CLPTM1: variants seen among roughly 807,000 people sequenced by gnomAD.
The protein encoded by CLPTM1 is CLPTM1 regulator of GABA type A receptor forward trafficking, also known as putative lipid scramblase CLPTM1.
CLPTM1 carries 21 observed loss-of-function variants against 77.3 expected under a neutral mutation model. The observed-to-expected ratio is 0.27, with a 90% CI of 0.19 to 0.39. The LOEUF (loss-of-function observed/expected upper bound fraction) is 0.39. Ranked by LOEUF, CLPTM1 falls within the 10% of genes least tolerant of loss-of-function variation. The probability of loss-of-function intolerance (pLI) is 1.00; values close to 1 mark genes in which losing one functional copy is unlikely to be tolerated. For synonymous variants in CLPTM1, 373 were observed against 381.0 expected (o/e 0.98, Z 0.24); for missense variants, 642 against 921.2 (o/e 0.70, Z 3.92).
intron 8 of CLPTM1, 105 bp downstream of exon 8, chr19:44,987,528 C>T (rs990612086): frequency 6.9e-6 from 10 of 1,453,814 alleles, no homozygotes; most frequent in Non-Finnish European, 9.3e-6. Flanking sequence ...GCCTGGTGCT[C>T]CTCTGCCCAC....
At chr19:44,971,507 C>G (rs1162407758) in intron 2 of CLPTM1, among the ~76,000 whole-genome samples, 2 of 152,134 alleles carry the variant, frequency 1.3e-5, no homozygotes. Flanking sequence ...GTTGCTCTTT[C>G]TAAGCTTCTG....
At chr19:44,970,923 T>A (rs913803915) in intron 2 of CLPTM1, among the ~76,000 whole-genome samples, 1 of 145,602 alleles carries the variant, frequency 6.9e-6, no homozygotes, top group Non-Finnish European at 1.5e-5. Flanking sequence ...CTCCTTCTCC[T>A]GGGTTCAAGC....
chr19:44,960,755 C>G (rs1388622322), intron 1 of CLPTM1, among the ~76,000 whole-genome samples: 1 of 152,130 alleles, frequency 6.6e-6, no homozygotes, highest in African/African-American at 2.4e-5. Context: ...GTTTGGGTGA[C>G]CTGAGCGTCC....
Position 44,986,518 on chromosome 19 carries a change from A to G in CLPTM1, c.736A>G (p.Ile246Val). The change falls in exon 7 of 14, where the codon ATC (isoleucine) becomes GTC (valine). Residue 246 changes from isoleucine (I) to valine (V), a missense_variant. This residue lies in a region of CLPTM1 where 521 missense variants were observed against 800.4 expected (regional missense o/e 0.65). Transcript: ENST00000337392. ...TTGGCACCCCAACATCACCATCAAC[A>G]TCGTGGACGACCACACGCCGTGGGT... is the stretch of plus-strand genomic sequence containing the variant. Reference protein sequence around the residue: ...SHWHPNITINIVDDHTPWVKG... With the variant: ...SHWHPNITINVVDDHTPWVKG... 1.2e-6 allele frequency: 2 copies of G among 1,614,052 alleles called. No homozygotes were observed. The highest frequency in any genetic ancestry group is 1.7e-6 in the Non-Finnish European group (2 of 1,179,988).
chr19:44,964,398 C>T (rs1030251989), intron 2 of CLPTM1, among the ~76,000 whole-genome samples: 1 of 143,282 alleles, frequency 7.0e-6, no homozygotes, highest in African/African-American at 2.6e-5. Flanking sequence ...GCAGTCTCTG[C>T]CTCCTGGGTT....
chr19:44,963,999 C>T (rs1351011514), intron 2 of CLPTM1, among the ~76,000 whole-genome samples: 2 of 151,740 alleles, frequency 1.3e-5, no homozygotes, highest in Non-Finnish European at 1.5e-5. Flanking sequence ...AACTCCTGAC[C>T]TCATGATCCA....
intron 5 of CLPTM1, among the ~76,000 whole-genome samples, 172 bp downstream of exon 5, chr19:44,977,632 C>T (rs751142067): frequency 7.9e-5 from 12 of 152,218 alleles, no homozygotes; most frequent in Non-Finnish European, 4.4e-5. Context: ...CTGAAAGAGC[C>T]CTGTGGACAC....
intron 2 of CLPTM1, among the ~76,000 whole-genome samples, chr19:44,963,228 A>T (rs1460766158): frequency 2.1e-5 from 3 of 143,978 alleles, no homozygotes; most frequent in South Asian, 4.5e-4. Flanking sequence ...AAAAAAAAAA[A>T]GCCAGGTATG....
intron 1 of CLPTM1, among the ~76,000 whole-genome samples, chr19:44,961,452 T>G (rs1253019119): frequency 2.0e-5 from 3 of 152,214 alleles, no homozygotes; most frequent in African/African-American, 7.2e-5. Flanking sequence ...CCTTGCATCC[T>G]GGCTCCAGCC....
intron 2 of CLPTM1, among the ~76,000 whole-genome samples, chr19:44,970,599 G>A (rs2122268963): frequency 6.9e-6 from 1 of 145,846 alleles, no homozygotes; most frequent in East Asian, 2.0e-4. Context: ...GAAACTGTGT[G>A]TTGCCCAGGC....
intron 1 of CLPTM1, among the ~76,000 whole-genome samples, chr19:44,956,004 C>G (rs933952264): frequency 2.0e-5 from 3 of 152,166 alleles, no homozygotes; most frequent in Non-Finnish European, 4.4e-5. Flanking sequence ...GTAGAAGTTA[C>G]AAGACACTGC....
intron 5 of CLPTM1, among the ~76,000 whole-genome samples, chr19:44,978,928 C>T (rs951003892): frequency 6.6e-6 from 1 of 151,630 alleles, no homozygotes; most frequent in Non-Finnish European, 1.5e-5. Context: ...CATTGTCCGT[C>T]CTCTTGTTTT....
At chr19:44,978,381 G>GT (rs1404140783) in intron 5 of CLPTM1, among the ~76,000 whole-genome samples, 2 of 150,716 alleles carry the variant, frequency 1.3e-5, no homozygotes, top group Non-Finnish European at 3.0e-5. Context: ...CTCCAGCCTG[G>GT]TGACACAGCA....
rs761843641 is a variant in CLPTM1, at chr19:44,975,726, C to CTAATTTTTT, written c.468+1132_468+1140dup. Among the ~76,000 whole-genome samples the CTAATTTTTT allele has an allele frequency of 8.2e-4, 124 of 152,046 alleles. 6 individuals carry two copies. The highest frequency in any genetic ancestry group is 4.1e-4 in the Non-Finnish European group (28 of 67,990). On this transcript the variant is annotated intron_variant, in intron 4 of 13. Coordinates refer to ENST00000337392, the MANE Select transcript of CLPTM1 (RefSeq NM_001294.4). ...CTAAGGCACACATGATCACACCCAG[C>CTAATTTTTT]TAATTTTTTTATTTTTTAGTAGAGA...
rs1396911414 is a variant in CLPTM1, at chr19:44,970,822, T to C, written c.186-2265T>C. 2.1e-5 allele frequency among the ~76,000 whole-genome samples: 3 copies of C among 143,606 alleles called. 1 individual carries two copies. Among genetic ancestry groups the C allele is most frequent in the African/African-American group, 8.4e-5 (3 of 35,736 alleles). 94.2% of individuals were successfully genotyped at this position (143,606 alleles called of 152,430 possible). A position where few individuals can be genotyped will look rare whatever the true frequency, so the allele number is the denominator to read the frequency against. ...CCCTAGACCTGCAAATCCAAGATCC[T>C]TTACTTCTTTTTTTTTTTTTCCTTG... is the stretch of plus-strand genomic sequence containing the variant. On this transcript the variant is annotated intron_variant, in intron 2 of 13. Transcript: ENST00000337392.
chr19:44,990,729 AT>A lies in CLPTM1; in HGVS notation c.1324-115del. 1.5e-6 allele frequency: 2 copies of A among 1,300,852 alleles called. No individual in the cohort carries two copies. Among genetic ancestry groups the A allele is most frequent in the Non-Finnish European group, 2.2e-6 (2 of 922,872 alleles). The allele number at this position is 1,300,852 out of a possible 1,614,324, so 80.6% of individuals were successfully genotyped here. ...ACTGAGGGGATTTTCTCACCAGGGGATTTTTTGGGTCACACATGGGGCAGGG... is the reference window on the plus strand; with the variant it reads ...ACTGAGGGGATTTTCTCACCAGGGGATTTTTGGGTCACACATGGGGCAGGG... On this transcript the variant is annotated intron_variant, in intron 10 of 13. Coordinates refer to ENST00000337392, the MANE Select transcript of CLPTM1 (RefSeq NM_001294.4). This position sits in a 1 kb window ranked among gnomAD's most constrained non-coding sequence, Gnocchi z 4.8.
intron 5 of CLPTM1, among the ~76,000 whole-genome samples, chr19:44,978,679 A>G (rs975209586): frequency 6.6e-6 from 1 of 152,202 alleles, no homozygotes; most frequent in Non-Finnish European, 1.5e-5. Context: ...TTCTACTCCC[A>G]TGATAACTCA....
intron 1 of CLPTM1, among the ~76,000 whole-genome samples, chr19:44,957,926 C>T (rs1464770230): frequency 6.6e-6 from 1 of 152,188 alleles, no homozygotes; most frequent in Non-Finnish European, 1.5e-5. Context: ...GGCCCTTACA[C>T]TTATGTTCTA....
At chr19:44,963,412 G>A (rs1369670210) in intron 2 of CLPTM1, among the ~76,000 whole-genome samples, 26 of 143,042 alleles carry the variant, frequency 1.8e-4, no homozygotes, top group African/African-American at 6.8e-4. Context: ...TGCAAGCTCC[G>A]CCTCCCGGGT....
Sources: gnomAD v4.1 joint callset for allele counts (sites outside exome capture counted in the v4.1 genomes callset) on GRCh38, gnomAD v4.1.1 for gene constraint, gnomAD v4.1.1 regional missense constraint, Gnocchi (gnomAD v3.1) non-coding constraint, MANE v1.5 for transcripts, NCBI Gene and HGNC (gene_info 2026-07-23, HGNC 2026-07-21) for gene names.